The following TFAP2D variants were observed in gnomAD, a reference collection of about 807,000 sequenced individuals.
The protein encoded by TFAP2D is transcription factor AP-2 delta.
Under a neutral mutation model 43.6 loss-of-function variants are expected in TFAP2D, and 9 were observed. The observed-to-expected ratio is 0.21, with a 90% CI of 0.12 to 0.36. The LOEUF is 0.36. TFAP2D is among the 10% of genes least tolerant of loss of function. The pLI is 1.00. For synonymous variants in TFAP2D, 256 were observed against 224.9 expected, an observed-to-expected ratio of 1.14 and a Z score of -1.24; for missense variants, 513 against 561.4, an observed-to-expected ratio of 0.91 and a Z score of 0.87.
intron 5 of TFAP2D, among the ~76,000 whole-genome samples, chr6:50,730,564 T>C (rs1488514288): frequency 6.6e-6 from 1 of 152,112 alleles, no homozygotes; most frequent in Non-Finnish European, 1.5e-5. Context: ...TTTCTGCACA[T>C]TTTAAGTAAA....
At chr6:50,740,317 G>C (rs1769023408) in intron 5 of TFAP2D, among the ~76,000 whole-genome samples, 1 of 152,078 alleles carries the variant, frequency 6.6e-6, no homozygotes, top group Non-Finnish European at 1.5e-5. Flanking sequence ...ATTATCTATT[G>C]AATAACAATG....
At chr6:50,769,058 A>AT (rs201025108) in intron 7 of TFAP2D, among the ~76,000 whole-genome samples, 26 of 148,424 alleles carry the variant, frequency 1.8e-4, no homozygotes, top group Admixed American at 4.0e-4. Flanking sequence ...CACCCGGCTA[A>AT]TTTTTTTTTT....
In TFAP2D at chr6:50,715,163, T is replaced by C. The variant is rs911114265; in HGVS notation, c.87T>C (p.Cys29=). The C allele has an allele frequency of 1.9e-6, 3 of 1,614,102 alleles. No individual in the cohort carries two copies. Among genetic ancestry groups the C allele is most frequent in the Middle Eastern group, 1.6e-4 (1 of 6,062 alleles). Residue 29 remains cysteine (C), a synonymous_variant, in exon 2 of 8, where the codon TGT becomes TGC. Coordinates refer to ENST00000008391, the MANE Select transcript of TFAP2D (RefSeq NM_172238.4). ...SNSYRLMQLG[C]LESVANSTVA... ...GCTACCGTTTGATGCAGCTTGGCTG[T>C]CTGGAGTCAGTAGCCAATTCCACTG...
chr6:50,724,539 C>T (rs1768777965), intron 3 of TFAP2D, among the ~76,000 whole-genome samples: 1 of 152,126 alleles, frequency 6.6e-6, no homozygotes, highest in Admixed American at 6.5e-5. Flanking sequence ...ACCTGGAGAG[C>T]GCGCGGGACC....
At chr6:50,763,240 C>G (rs1769390555) in intron 7 of TFAP2D, among the ~76,000 whole-genome samples, 1 of 152,054 alleles carries the variant, frequency 6.6e-6, no homozygotes, top group African/African-American at 2.4e-5. Context: ...ATCTATGATG[C>G]CTTCAATCAC....
chr6:50,730,511 A>G (rs1449197871), intron 5 of TFAP2D, among the ~76,000 whole-genome samples: 1 of 150,982 alleles, frequency 6.6e-6, no homozygotes, highest in Non-Finnish European at 1.5e-5. Context: ...AGAGCAAAGT[A>G]GAAAAAAAAA....
At chr6:50,722,246 A>C (rs112821702) in intron 3 of TFAP2D, among the ~76,000 whole-genome samples, 1 of 152,178 alleles carries the variant, frequency 6.6e-6, no homozygotes, top group South Asian at 2.1e-4. Flanking sequence ...CGGCTCTCCA[A>C]CCATCAGAAC....
At chr6:50,768,697 A>G (rs998253885) in intron 7 of TFAP2D, among the ~76,000 whole-genome samples, 4 of 152,322 alleles carry the variant, frequency 2.6e-5, no homozygotes, top group African/African-American at 7.2e-5. Context: ...CTAGAAAAGA[A>G]TCTTTGCCTT....
intron 7 of TFAP2D, among the ~76,000 whole-genome samples, chr6:50,756,379 AATT>A (rs1390179650): frequency 6.8e-6 from 1 of 146,146 alleles, no homozygotes; most frequent in Non-Finnish European, 1.5e-5. Flanking sequence ...AGAATACTCT[AATT>A]AACACCATCA....
rs550266809 is a variant in TFAP2D, at chr6:50,713,885, C to G, written c.-171C>G. 3.6e-5 allele frequency: 34 copies of G among 951,582 alleles called. No individual in the cohort carries two copies. In the South Asian group the frequency reaches 5.1e-4, roughly 14 times the overall value. The allele number at this position is 951,582 out of a possible 1,614,324, so 58.9% of individuals were successfully genotyped here. A position where few individuals can be genotyped will look rare whatever the true frequency, so the allele number is the denominator to read the frequency against. On this transcript the variant is annotated 5_prime_UTR_variant, in exon 1 of 8. Transcript: ENST00000008391. ...GTTCCTACAGGTTTTTAAGTGGGTA[C>G]GAGGCAAGGAGCTATCTGATCCGGG...
At chr6:50,736,036 G>C (rs1768959330) in intron 5 of TFAP2D, among the ~76,000 whole-genome samples, 1 of 152,084 alleles carries the variant, frequency 6.6e-6, no homozygotes, top group Non-Finnish European at 1.5e-5. Flanking sequence ...GGCTTTTTTT[G>C]GGTGGTGGTG....
intron 5 of TFAP2D, among the ~76,000 whole-genome samples, chr6:50,732,384 G>A (rs1768906812): frequency 6.6e-6 from 1 of 152,002 alleles, no homozygotes. Context: ...GAGTAGTCTA[G>A]CTATGACCAG....
chr6:50,762,349 T>C (rs1402801067), intron 7 of TFAP2D, among the ~76,000 whole-genome samples: 1 of 151,894 alleles, frequency 6.6e-6, no homozygotes, highest in African/African-American at 2.4e-5. Flanking sequence ...GCACACACAC[T>C]CTTTCTCTCT....
At position 50,745,327 on chromosome 6, in the gene TFAP2D, T is replaced by C. The variant is rs1404490444; in HGVS notation, c.1025+79T>C. On this transcript the variant is annotated intron_variant, in intron 6 of 7. Transcript: ENST00000008391. ...ATTTTCTTTGAAATGAGGAAAACAG[T>C]CTAGAAGGCACCCGTTCTCTAAAAC... is the stretch of plus-strand genomic sequence containing the variant. 5.7e-6 allele frequency: 9 copies of C among 1,573,300 alleles called. No individual in the cohort carries two copies. In the Admixed American group the frequency reaches 1.7e-4, roughly 30 times the overall value.
chr6:50,754,852 G>T (rs1725420076), intron 7 of TFAP2D, among the ~76,000 whole-genome samples: 1 of 151,704 alleles, frequency 6.6e-6, no homozygotes, highest in Non-Finnish European at 1.5e-5. Context: ...TTTTTATATA[G>T]TCTAGATAGT....
At chr6:50,751,424 G>A in intron 7 of TFAP2D, 100 bp downstream of exon 7, 1 of 798,374 alleles carries the variant, frequency 1.3e-6, no homozygotes, top group East Asian at 2.6e-5. Context: ...TGTTTATATG[G>A]TGACTGTCCT....
At chr6:50,736,172 G>T (rs79655462) in intron 5 of TFAP2D, among the ~76,000 whole-genome samples, 2 of 152,100 alleles carry the variant, frequency 1.3e-5, no homozygotes, top group East Asian at 3.9e-4. Flanking sequence ...TGGGAGAAAG[G>T]TTTTCAGCTT....
chr6:50,738,757 A>G (rs929044888), intron 5 of TFAP2D, among the ~76,000 whole-genome samples: 3 of 152,130 alleles, frequency 2.0e-5, no homozygotes, highest in African/African-American at 7.2e-5. Flanking sequence ...TGCTATCTCT[A>G]CTTCTACTAC....
At chr6:50,728,655 C>T (rs1768841307) in intron 3 of TFAP2D, among the ~76,000 whole-genome samples, 1 of 152,156 alleles carries the variant, frequency 6.6e-6, no homozygotes, top group Admixed American at 6.5e-5. Flanking sequence ...CAGACATTTT[C>T]ACAAACATTG....
Sources: allele counts gnomAD v4.1 joint callset (sites outside exome capture counted in the v4.1 genomes callset), GRCh38; gene constraint gnomAD v4.1.1; transcripts MANE v1.5; gene names NCBI Gene and HGNC (gene_info 2026-07-23, HGNC 2026-07-21).